Variants in KIAA0825 observed in about 807,000 individuals in gnomAD.
KIAA0825 encodes uncharacterized protein KIAA0825.
Under a neutral mutation model 147.6 loss-of-function variants are expected in KIAA0825, and 119 were observed. The ratio of observed to expected loss-of-function variants is 0.81; its 90% confidence interval spans 0.69 to 0.94. The LOEUF (loss-of-function observed/expected upper bound fraction) is 0.94. Ranked by LOEUF, KIAA0825 falls within the 40% of genes least tolerant of loss-of-function variation. The pLI is 0.00. For missense variants in KIAA0825, 1,381 were observed against 1,472.7 expected (o/e 0.94, Z 1.02); for synonymous variants, 470 against 518.1 (o/e 0.91, Z 1.26).
intron 20 of KIAA0825, among the ~76,000 whole-genome samples, chr5:94,303,045 C>A (rs1778503479): frequency 6.6e-6 from 1 of 151,714 alleles, no homozygotes; most frequent in African/African-American, 2.4e-5. Flanking sequence ...CTCATAAGTC[C>A]AACCAACACA....
At chr5:94,205,119 T>TA (rs1364151618) in intron 20 of KIAA0825, among the ~76,000 whole-genome samples, 2 of 151,800 alleles carry the variant, frequency 1.3e-5, no homozygotes, top group African/African-American at 4.8e-5. Flanking sequence ...GAGCTGATTG[T>TA]AAAAGATGTA....
intron 15 of KIAA0825, among the ~76,000 whole-genome samples, chr5:94,409,838 A>G (rs1752524017): frequency 6.6e-6 from 1 of 152,210 alleles, no homozygotes; most frequent in Non-Finnish European, 1.5e-5. Flanking sequence ...ACTAACTCTC[A>G]AGATGATCAA....
At chr5:94,336,560 C>T (rs895352231) in intron 20 of KIAA0825, among the ~76,000 whole-genome samples, 6 of 152,068 alleles carry the variant, frequency 3.9e-5, no homozygotes, top group Admixed American at 3.3e-4. Context: ...TGGTTTCCAG[C>T]TTCATCCATG....
chr5:94,306,275 T>A (rs1271792088), intron 20 of KIAA0825, among the ~76,000 whole-genome samples: 3 of 151,862 alleles, frequency 2.0e-5, no homozygotes, highest in Admixed American at 6.6e-5. Context: ...ATATTTTGCA[T>A]TACATTACTT....
At chr5:94,330,007 T>A (rs1781103853) in intron 20 of KIAA0825, among the ~76,000 whole-genome samples, 1 of 151,778 alleles carries the variant, frequency 6.6e-6, no homozygotes, top group Non-Finnish European at 1.5e-5. Context: ...AAATTTAATG[T>A]TTGATAGCAA....
intron 20 of KIAA0825, among the ~76,000 whole-genome samples, chr5:94,284,663 T>C (rs1777590986): frequency 6.6e-6 from 1 of 152,158 alleles, no homozygotes; most frequent in African/African-American, 2.4e-5. Context: ...ACTAGTCAAG[T>C]TGTGCTATTT....
chr5:94,378,714 T>G (rs537017709), intron 20 of KIAA0825, among the ~76,000 whole-genome samples: 1 of 152,366 alleles, frequency 6.6e-6, no homozygotes, highest in South Asian at 2.1e-4. Flanking sequence ...CTAATTTACA[T>G]GCCCACCAGC....
intron 20 of KIAA0825, among the ~76,000 whole-genome samples, chr5:94,283,625 TAA>T (rs1180064977): frequency 1.3e-5 from 2 of 152,150 alleles, no homozygotes; most frequent in Non-Finnish European, 2.9e-5. Flanking sequence ...CAACTGAATT[TAA>T]GAGATAAATT....
At chr5:94,224,061 TTTTCTC>T (rs1361437050) in intron 20 of KIAA0825, among the ~76,000 whole-genome samples, 1 of 150,732 alleles carries the variant, frequency 6.6e-6, no homozygotes, top group African/African-American at 2.4e-5. Context: ...TTTTCTTTTC[TTTTCTC>T]TTTCTTTTTC....
Position 94,277,461 on chromosome 5 carries a change from C to T in KIAA0825, c.3710+106907G>A, listed in dbSNP as rs527253245. Among the ~76,000 whole-genome samples the T allele has an allele frequency of 5.9e-5, 9 of 152,214 alleles. No individual in the cohort carries two copies. The South Asian group carries it at 1.7e-3, about 28-fold the overall frequency. On this transcript the variant is annotated intron_variant, in intron 20 of 20. Coordinates refer to ENST00000682413, the MANE Select transcript of KIAA0825 (RefSeq NM_001145678.3). ...AAAGTAGGCAAAGGATATGAACAGACACTTCTCAAAAGAAGACATTTATGC... is the reference window on the plus strand; with the variant it reads ...AAAGTAGGCAAAGGATATGAACAGATACTTCTCAAAAGAAGACATTTATGC...
chr5:94,474,554 G>C (rs879360464), intron 7 of KIAA0825, among the ~76,000 whole-genome samples: 4 of 151,868 alleles, frequency 2.6e-5, no homozygotes, highest in Admixed American at 6.6e-5. Context: ...CTGAAATTAT[G>C]ATCATAAGCC....
intron 20 of KIAA0825, among the ~76,000 whole-genome samples, chr5:94,377,706 G>A (rs1415371296): frequency 6.6e-6 from 1 of 152,102 alleles, no homozygotes; most frequent in Non-Finnish European, 1.5e-5. Context: ...AAACTCTAGG[G>A]AGTCATTATT....
chr5:94,199,001 T>C (rs1583824926), intron 20 of KIAA0825, among the ~76,000 whole-genome samples: 1 of 152,228 alleles, frequency 6.6e-6, no homozygotes, highest in East Asian at 1.9e-4. Flanking sequence ...CTGTATCTTT[T>C]TGAGCTTTCT....
At chr5:94,553,802 A>T (rs1776023662) in intron 2 of KIAA0825, among the ~76,000 whole-genome samples, 1 of 152,052 alleles carries the variant, frequency 6.6e-6, no homozygotes, top group Non-Finnish European at 1.5e-5. Context: ...AAGAAAAAAA[A>T]ATTTAAAAAT....
intron 1 of KIAA0825, among the ~76,000 whole-genome samples, chr5:94,608,249 TTTTATTTATTTATTTG>T (rs1330348586): frequency 7.0e-6 from 1 of 143,312 alleles, no homozygotes. Context: ...TTACTTTTAT[TTTTATTTATTTATTTG>T]TTTATTTATT....
intron 14 of KIAA0825, among the ~76,000 whole-genome samples, chr5:94,432,600 T>A (rs1017436428): frequency 6.7e-6 from 1 of 149,338 alleles, no homozygotes; most frequent in Admixed American, 6.7e-5. Context: ...AAAAAAAAAA[T>A]AGAACAAGTC....
chr5:94,306,142 C>A (rs1778716020), intron 20 of KIAA0825, among the ~76,000 whole-genome samples: 1 of 151,590 alleles, frequency 6.6e-6, no homozygotes, highest in South Asian at 2.1e-4. Flanking sequence ...ATAGCTATGG[C>A]CACCTGACTG....
At chr5:94,564,123 T>C (rs1350973865) in intron 2 of KIAA0825, among the ~76,000 whole-genome samples, 1 of 152,116 alleles carries the variant, frequency 6.6e-6, no homozygotes, top group Non-Finnish European at 1.5e-5. Context: ...GGCTAATCCA[T>C]TGGCTCTCAG....
intron 20 of KIAA0825, among the ~76,000 whole-genome samples, chr5:94,272,562 G>T (rs552405638): frequency 6.6e-6 from 1 of 152,192 alleles, no homozygotes. Context: ...GACCACATCT[G>T]TCAAGCAACC....
Sources: gnomAD v4.1 joint callset for allele counts (sites outside exome capture counted in the v4.1 genomes callset) on GRCh38, gnomAD v4.1.1 for gene constraint, MANE v1.5 for transcripts, NCBI Gene and HGNC (gene_info 2026-07-23, HGNC 2026-07-21) for gene names.